Variants in TLN2 observed in about 807,000 individuals in gnomAD.
TLN2 encodes the protein talin 2.
In TLN2, 118 loss-of-function variants were observed where a neutral mutation model predicts 294.7. The ratio of observed to expected loss-of-function variants is 0.40; its 90% CI spans 0.34 to 0.47. The LOEUF (loss-of-function observed/expected upper bound fraction) is 0.47. TLN2 is among the 20% of genes least tolerant of loss of function. The pLI, the probability that TLN2 is intolerant of heterozygous loss-of-function variation, is 0.84. For synonymous variants in TLN2, 1,431 were observed against 1,304.5 expected (o/e 1.10, Z -2.09); for missense variants, 3,083 against 3,282.2 (o/e 0.94, Z 1.48).
intron 33 of TLN2, 132 bp from the exon 34 acceptor site, chr15:62,750,270 A>T: frequency 1.4e-6 from 1 of 729,014 alleles, no homozygotes; most frequent in Non-Finnish European, 2.4e-6. Context: ...GTAAATTCTC[A>T]AACATCTGAG....
At chr15:62,568,098 G>T (rs1319557785) in intron 1 of TLN2, among the ~76,000 whole-genome samples, 1 of 152,082 alleles carries the variant, frequency 6.6e-6, no homozygotes. Context: ...TTTAATTAAG[G>T]TCTATAAAAT....
chr15:62,742,350 C>T (rs118062369), intron 32 of TLN2, among the ~76,000 whole-genome samples: 7,204 of 152,014 alleles, frequency 0.047, 212 homozygotes, highest in Non-Finnish European at 0.066. Context: ...TTTTTTCCTA[C>T]AAAGGAGCCT....
chr15:62,818,359 A>T (rs984581459), intron 52 of TLN2, among the ~76,000 whole-genome samples: 3 of 152,194 alleles, frequency 2.0e-5, no homozygotes, highest in African/African-American at 7.2e-5. Context: ...TGAGAAAGAG[A>T]TAACAGAAAA....
intron 2 of TLN2, among the ~76,000 whole-genome samples, chr15:62,601,885 T>C (rs2047041776): frequency 1.3e-5 from 2 of 152,238 alleles, no homozygotes; most frequent in Admixed American, 1.3e-4. Flanking sequence ...ATGCTCAGAT[T>C]GTCCCATATT....
rs28721968 is a variant in TLN2 at position 62,715,811 on chromosome 15, T to G, written c.2635-520T>G. Among the ~76,000 whole-genome samples, 1,501 of 152,304 alleles carry G rather than the reference T, an allele frequency of 9.9e-3. 29 individuals carry two copies. The highest frequency in any genetic ancestry group is 0.035 in the African/African-American group (1,452 of 41,562). On this transcript the variant is annotated intron_variant, in intron 22 of 58. Transcript: ENST00000636159. ...GGCATGGTCTTTCTTTAACAAAATT[T>G]CCTTGGAGTGTTTTTGAACGGCATT...
chr15:62,759,269 G>A (rs1040930542), intron 37 of TLN2, among the ~76,000 whole-genome samples: 1 of 152,186 alleles, frequency 6.6e-6, no homozygotes, highest in Non-Finnish European at 1.5e-5. Flanking sequence ...CCTTTCTGAC[G>A]CCGGATGCCT....
chr15:62,787,693 CTTTTTTTTTTT>C (rs71672889), intron 45 of TLN2, among the ~76,000 whole-genome samples: 13 of 65,566 alleles, frequency 2.0e-4, no homozygotes, highest in Non-Finnish European at 3.4e-4. Flanking sequence ...AACTCCTTAT[CTTTTTTTTTTT>C]TTTTTTTTTT....
chr15:62,543,050 G>A (rs529608733), intron 1 of TLN2, among the ~76,000 whole-genome samples: 1 of 152,282 alleles, frequency 6.6e-6, no homozygotes, highest in East Asian at 1.9e-4. Context: ...AGGAGAGATT[G>A]TTTGCTAGGA....
chr15:62,806,154 C>CT (rs1252597293), intron 51 of TLN2, among the ~76,000 whole-genome samples: 1 of 152,062 alleles, frequency 6.6e-6, no homozygotes, highest in East Asian at 1.9e-4. Flanking sequence ...TATGATTATG[C>CT]TGCACTCCAG....
intron 9 of TLN2, among the ~76,000 whole-genome samples, chr15:62,663,729 A>G (rs758518736): frequency 2.3e-4 from 35 of 152,032 alleles, no homozygotes; most frequent in Non-Finnish European, 4.1e-4. Flanking sequence ...ATGATCTCCA[A>G]GATCTCACCA....
At chr15:62,460,929 G>A (rs1229954803) in intron 1 of TLN2, among the ~76,000 whole-genome samples, 2 of 151,826 alleles carry the variant, frequency 1.3e-5, no homozygotes, top group Non-Finnish European at 1.5e-5. Flanking sequence ...TTTTGCTTGT[G>A]TGTGTGTGTG....
chr15:62,582,302 C>T (rs1308542193), intron 1 of TLN2, among the ~76,000 whole-genome samples: 1 of 150,700 alleles, frequency 6.6e-6, no homozygotes, highest in Non-Finnish European at 1.5e-5. Context: ...TTTTGGGGCC[C>T]CCTGTGTCTG....
chr15:62,407,789 C>T (rs1252137290), intron 1 of TLN2, among the ~76,000 whole-genome samples: 2 of 151,854 alleles, frequency 1.3e-5, no homozygotes, highest in East Asian at 3.9e-4. Flanking sequence ...GTGGCGGGCG[C>T]CTATAATCCC....
chr15:62,741,748 C>CGCACGCGCGTGTGTGTGTGTGT, intron 32 of TLN2, among the ~76,000 whole-genome samples: 2 of 131,072 alleles, frequency 1.5e-5, no homozygotes, highest in Non-Finnish European at 1.6e-5. Context: ...AAAATTTGCG[C>CGCACGCGCGTGTGTGTGTGTGT]GTGTGTGTGT....
chr15:62,437,607 A>C (rs1354900892), intron 1 of TLN2, among the ~76,000 whole-genome samples: 1 of 152,162 alleles, frequency 6.6e-6, no homozygotes, highest in Non-Finnish European at 1.5e-5. Context: ...AGTCATAATC[A>C]TAGTACTGTG....
At chr15:62,588,204 G>A (rs1259717655) in intron 1 of TLN2, among the ~76,000 whole-genome samples, 1 of 151,982 alleles carries the variant, frequency 6.6e-6, no homozygotes, top group African/African-American at 2.4e-5. Flanking sequence ...TTTATTGTTA[G>A]TATAGTTGCT....
At chr15:62,471,640 C>A (rs1171866151) in intron 1 of TLN2, among the ~76,000 whole-genome samples, 2 of 152,186 alleles carry the variant, frequency 1.3e-5, no homozygotes, top group Non-Finnish European at 2.9e-5. Flanking sequence ...CTACCCTTTT[C>A]TGCTGACACC....
chr15:62,558,087 CTT>C (rs1359918340), intron 1 of TLN2, among the ~76,000 whole-genome samples: 1 of 152,154 alleles, frequency 6.6e-6, no homozygotes, highest in Non-Finnish European at 1.5e-5. Flanking sequence ...GAAGAAAAGA[CTT>C]TGCTAAAAAA....
chr15:62,630,319 G>A (rs2049671854), intron 3 of TLN2, among the ~76,000 whole-genome samples: 1 of 152,144 alleles, frequency 6.6e-6, no homozygotes, highest in Admixed American at 6.5e-5. Context: ...CTTAAAAGTT[G>A]TCTAGGCTAA....
Sources: gnomAD v4.1 joint callset for allele counts (sites outside exome capture counted in the v4.1 genomes callset) on GRCh38, gnomAD v4.1.1 for gene constraint, MANE v1.5 for transcripts, NCBI Gene and HGNC (gene_info 2026-07-23, HGNC 2026-07-21) for gene names.